Variants in TYROBP observed in about 807,000 individuals in gnomAD.
TYROBP encodes the protein TYRO protein tyrosine kinase-binding protein.
In TYROBP, 14 loss-of-function variants were observed where a neutral mutation model predicts 17.1. The observed-to-expected ratio is 0.82, with a 90% CI of 0.54 to 1.28. The LOEUF is 1.28. Among genes scored for constraint, TYROBP ranks in the 50% most tolerant of loss-of-function variants. The pLI, the probability that TYROBP is intolerant of heterozygous loss-of-function variation, is 0.00. For synonymous variants in TYROBP, 73 were observed against 67.4 expected, an observed-to-expected ratio of 1.08 and a Z score of -0.41; for missense variants, 161 against 151.4, an observed-to-expected ratio of 1.06 and a Z score of -0.33.
At chr19:35,907,159 T>A in intron 4 of TYROBP, 59 bp downstream of exon 4, 1 of 1,516,570 alleles carries the variant, frequency 6.6e-7, no homozygotes, top group Non-Finnish European at 9.0e-7. Flanking sequence ...TGAAGGAGTA[T>A]CTGGGGCAGA....
Position 35,907,595 on chromosome 19 carries a change from T to G in TYROBP, c.95-15A>C. Reference sequence around the variant, plus strand: ...GCAACTGCAATCTGCAGCACAGGGGTCAGGGGAGGTCAGTGTGTGCTGGGA... The same window carrying G: ...GCAACTGCAATCTGCAGCACAGGGGGCAGGGGAGGTCAGTGTGTGCTGGGA... On this transcript the variant is annotated splice_polypyrimidine_tract_variant and intron_variant, in intron 2 of 4. Transcript: ENST00000262629. 1.2e-6 allele frequency: 2 copies of G among 1,613,442 alleles called. No individual in the cohort carries two copies. The highest frequency in any genetic ancestry group is 1.7e-6 in the Non-Finnish European group (2 of 1,179,850).
intron 2 of TYROBP, 37 bp from the exon 3 acceptor site, chr19:35,907,617 G>A (rs1473291415): frequency 6.2e-7 from 1 of 1,613,954 alleles, no homozygotes; most frequent in Admixed American, 1.7e-5. Context: ...AGTGTGTGCT[G>A]GGAACTGTGG....
chr19:35,906,068 C>T (rs534447410), intron 4 of TYROBP, among the ~76,000 whole-genome samples: 1 of 151,764 alleles, frequency 6.6e-6, no homozygotes, highest in Non-Finnish European at 1.5e-5. Flanking sequence ...GGGAGGATCA[C>T]TTGAGACTGG....
At chr19:35,907,285 G>C (rs747212988) in intron 3 of TYROBP, 21 bp from the exon 4 acceptor site, 2 of 1,612,208 alleles carry the variant, frequency 1.2e-6, no homozygotes, top group Non-Finnish European at 1.7e-6. Context: ...GGGGTGTTGT[G>C]GGGTGCAGAG....
chr19:35,904,801 T>C (rs1352029236), intron 4 of TYROBP, among the ~76,000 whole-genome samples, 167 bp from the exon 5 acceptor site: 1 of 152,092 alleles, frequency 6.6e-6, no homozygotes, highest in Non-Finnish European at 1.5e-5. Context: ...GCCTCATCAG[T>C]GTGCCCCAGC....
chr19:35,908,050 TG>T, intron 1 of TYROBP, 117 bp downstream of exon 1: 1 of 935,886 alleles, frequency 1.1e-6, no homozygotes, highest in Non-Finnish European at 1.7e-6. Context: ...TTTGGGAGGT[TG>T]GGGACCTGCT....
At chr19:35,904,782 T>A in intron 4 of TYROBP, 148 bp from the exon 5 acceptor site, 2 of 726,434 alleles carry the variant, frequency 2.8e-6, no homozygotes, top group Non-Finnish European at 2.3e-6. Context: ...ATGTTCCCCC[T>A]TCTCCTCTGC....
rs1407966751 is a variant in TYROBP, at chr19:35,907,918, C to T, written c.62-156G>A. On this transcript the variant is annotated intron_variant, in intron 1 of 4. Transcript: ENST00000262629. The stretch of plus-strand genomic sequence containing the variant: ...CTCAGGGGGCTGGCGTCTGGGCCAC[C>T]GGACTATGTGCGTTACTTCTGCACA... Among the ~76,000 whole-genome samples, 5 of 152,120 alleles carry T rather than the reference C, an allele frequency of 3.3e-5. No homozygotes were observed. The East Asian group carries it at 5.8e-4, about 18-fold the overall frequency.
rs747352673 is a variant in TYROBP, at chr19:35,904,459, G to C, written c.*110C>G. On this transcript the variant is annotated 3_prime_UTR_variant, in exon 5 of 5. Transcript: ENST00000262629. ...ATTGGGGAGCGGTCTGGTCTCTCAG[G>C]GATGGCACTCTGTGGGTCTGTATCG... 8.7e-7 allele frequency: 1 copy of C among 1,151,154 alleles called. No individual in the cohort carries two copies. Among genetic ancestry groups the C allele is most frequent in the South Asian group, 1.3e-5 (1 of 78,416 alleles). 71.3% of individuals were successfully genotyped at this position (1,151,154 alleles called of 1,614,324 possible).
At chr19:35,906,706 C>CT (rs966998430) in intron 4 of TYROBP, among the ~76,000 whole-genome samples, 53 of 146,444 alleles carry the variant, frequency 3.6e-4, no homozygotes, top group South Asian at 1.1e-3. Flanking sequence ...CAAAGCCACC[C>CT]TTTTTTTTTT....
intron 4 of TYROBP, 28 bp from the exon 5 acceptor site, chr19:35,904,662 G>A (rs746181466): frequency 3.1e-6 from 5 of 1,605,812 alleles, no homozygotes; most frequent in Non-Finnish European, 4.3e-6. Flanking sequence ...ATCAGTGGAA[G>A]GGACCCACCA....
At position 35,907,587 on chromosome 19, in the gene TYROBP, C is replaced by T. The variant is rs1975760409; in HGVS notation, c.95-7G>A. On this transcript the variant is annotated splice_polypyrimidine_tract_variant and splice_region_variant and intron_variant, in intron 2 of 4. Transcript: ENST00000262629. ...ACCGTAGAGCAACTGCAATCTGCAG[C>T]ACAGGGGTCAGGGGAGGTCAGTGTG... 5 of 1,613,870 alleles carry T rather than the reference C, an allele frequency of 3.1e-6. No individual in the cohort carries two copies. The highest frequency in any genetic ancestry group is 4.2e-6 in the Non-Finnish European group (5 of 1,179,974).
At chr19:35,906,284 T>C (rs1975723422) in intron 4 of TYROBP, among the ~76,000 whole-genome samples, 1 of 151,816 alleles carries the variant, frequency 6.6e-6, no homozygotes, top group Non-Finnish European at 1.5e-5. Context: ...AGAGATGGGG[T>C]TTCACCATCC....
In TYROBP at chr19:35,907,911, G is replaced by T. The variant is rs1975770603; in HGVS notation, c.62-149C>A. On this transcript the variant is annotated intron_variant, in intron 1 of 4. Coordinates refer to ENST00000262629, the MANE Select transcript of TYROBP (RefSeq NM_003332.4). ...GGCGGGACTCAGGGGGCTGGCGTCT[G>T]GGCCACCGGACTATGTGCGTTACTT... 7.0e-6 allele frequency: 6 copies of T among 853,928 alleles called. No homozygotes were observed. In the Admixed American group the frequency reaches 1.2e-4, roughly 17 times the overall value. 52.9% of individuals were successfully genotyped at this position (853,928 alleles called of 1,614,324 possible).
chr19:35,904,544 T>G lies in TYROBP; in HGVS notation c.*25A>C, dbSNP rs1802029. 0.026 allele frequency: 41,846 copies of G among 1,611,984 alleles called. 2,244 individuals carry two copies. Among genetic ancestry groups the G allele is most frequent in the African/African-American group, 0.21 (15,909 of 74,836 alleles). On this transcript the variant is annotated 3_prime_UTR_variant, in exon 5 of 5. Coordinates refer to ENST00000262629, the MANE Select transcript of TYROBP (RefSeq NM_003332.4). Reference sequence around the variant, plus strand: ...CAGGAATGGCTGGATCCAGGTATCATGTTGCTGACTGTCATGATTCGGGCT... The same window carrying G: ...CAGGAATGGCTGGATCCAGGTATCAGGTTGCTGACTGTCATGATTCGGGCT...
At chr19:35,907,414 T>G (rs1254264231) in intron 3 of TYROBP, 32 bp downstream of exon 3, 1 of 1,493,128 alleles carries the variant, frequency 6.7e-7, no homozygotes, top group Admixed American at 1.7e-5. Flanking sequence ...TCTAGGCAAG[T>G]CCTCAGGATG....
At position 35,908,213 on chromosome 19, in the gene TYROBP, G is replaced by A. The variant is rs537906273; in HGVS notation, c.16C>T (p.Pro6Ser). Residue 6 changes from proline to serine, a missense_variant, in exon 1 of 5, where the codon CCC (proline) becomes TCC (serine). By Grantham distance (74) the Pro-to-Ser change is moderately conservative. Coordinates refer to ENST00000262629, the MANE Select transcript of TYROBP (RefSeq NM_003332.4). The part of the protein sequence containing the change: MGGLE[P>S]CSRLLLLPLL... The stretch of plus-strand genomic sequence containing the variant: ...GGCAGGAGCAGGAGCCTGCTGCAGG[G>A]TTCAAGTCCCCCCATGAAGCCGGAT... 256 of 1,614,012 alleles carry A rather than the reference G, an allele frequency of 1.6e-4. 2 individuals are homozygous for A. The South Asian group carries it at 2.6e-3, about 17-fold the overall frequency.
At chr19:35,907,626 G>T (rs372455462) in intron 2 of TYROBP, 46 bp from the exon 3 acceptor site, 1 of 1,613,616 alleles carries the variant, frequency 6.2e-7, no homozygotes, top group Non-Finnish European at 8.5e-7. Context: ...TGGGAACTGT[G>T]GGGAGGGGGG....
chr19:35,906,405 T>A (rs573357888), intron 4 of TYROBP, among the ~76,000 whole-genome samples: 2 of 152,178 alleles, frequency 1.3e-5, no homozygotes, highest in African/African-American at 2.4e-5. Flanking sequence ...AAATTTTTTT[T>A]AATTATAAAG....
Sources: allele counts gnomAD v4.1 joint callset (sites outside exome capture counted in the v4.1 genomes callset), GRCh38; gene constraint gnomAD v4.1.1; transcripts MANE v1.5; gene names NCBI Gene and HGNC (gene_info 2026-07-23, HGNC 2026-07-21).